GRAP2: variants seen among roughly 807,000 people sequenced by gnomAD.
GRAP2 encodes the protein GRB2-related adapter protein 2.
Under a neutral mutation model 43.5 loss-of-function variants are expected in GRAP2, and 31 were observed. The ratio of observed to expected loss-of-function variants is 0.71; its 90% CI spans 0.54 to 0.96. The LOEUF is 0.96. Ranked by LOEUF, GRAP2 falls within the 40% of genes least tolerant of loss-of-function variation. The pLI is 0.00. For missense variants in GRAP2, 371 were observed against 424.4 expected (o/e 0.87, Z 1.11); for synonymous variants, 156 against 164.8 (o/e 0.95, Z 0.41).
chr22:39,902,642 C>T (rs1031597664), intron 1 of GRAP2, among the ~76,000 whole-genome samples: 2 of 152,030 alleles, frequency 1.3e-5, no homozygotes, highest in Admixed American at 6.6e-5. Flanking sequence ...TAGATTTTAT[C>T]TTTTTAAAAA....
intron 1 of GRAP2, among the ~76,000 whole-genome samples, chr22:39,922,809 G>A (rs1179753449): frequency 6.6e-6 from 1 of 152,174 alleles, no homozygotes; most frequent in Admixed American, 6.5e-5. Context: ...TTGGGACGCC[G>A]AGGCAGGTGG....
the GRAP2 span, among the ~76,000 whole-genome samples, chr22:39,894,235 C>CT: frequency 2.5e-3 from 375 of 150,944 alleles, 2 homozygotes; most frequent in Middle Eastern, 0.014. Context: ...CATAATATCT[C>CT]TTTTTTTTTA....
intron 1 of GRAP2, among the ~76,000 whole-genome samples, chr22:39,944,956 G>T (rs753296458): frequency 6.6e-6 from 1 of 152,134 alleles, no homozygotes; most frequent in African/African-American, 2.4e-5. Flanking sequence ...CCCACGAGGC[G>T]ACCACTGTCT....
At chr22:39,938,334 A>G (rs563915139) in intron 1 of GRAP2, among the ~76,000 whole-genome samples, 1 of 152,364 alleles carries the variant, frequency 6.6e-6, no homozygotes, top group South Asian at 2.1e-4. Flanking sequence ...GATATAAGGG[A>G]TTTAAAAGGA....
At chr22:39,924,937 C>G (rs1453075017) in intron 1 of GRAP2, among the ~76,000 whole-genome samples, 3 of 152,160 alleles carry the variant, frequency 2.0e-5, no homozygotes, top group Non-Finnish European at 4.4e-5. Context: ...AGTAACAAGA[C>G]AGTAATCCTA....
At chr22:39,927,104 G>A (rs2145598282) in intron 1 of GRAP2, among the ~76,000 whole-genome samples, 1 of 152,000 alleles carries the variant, frequency 6.6e-6, no homozygotes, top group South Asian at 2.1e-4. Context: ...TTTTTTTCAT[G>A]CTCACTTCTG....
chr22:39,920,977 C>G (rs924743435), intron 1 of GRAP2, among the ~76,000 whole-genome samples: 1 of 150,784 alleles, frequency 6.6e-6, no homozygotes. Flanking sequence ...CACACACACA[C>G]ACACACACAC....
chr22:39,896,361 A>G, upstream of GRAP2, among the ~76,000 whole-genome samples: 1 of 152,160 alleles, frequency 6.6e-6, no homozygotes, highest in East Asian at 1.9e-4. Flanking sequence ...TGTGGCAATG[A>G]GAGAGAAGGA....
At chr22:39,920,777 C>T (rs147552696) in intron 1 of GRAP2, among the ~76,000 whole-genome samples, 1 of 152,094 alleles carries the variant, frequency 6.6e-6, no homozygotes, top group Non-Finnish European at 1.5e-5. Context: ...CGATTCATGT[C>T]AGGTCTTATA....
chr22:39,907,185 C>T (rs1434267453), intron 1 of GRAP2, among the ~76,000 whole-genome samples: 1 of 152,062 alleles, frequency 6.6e-6, no homozygotes, highest in African/African-American at 2.4e-5. Flanking sequence ...ACGCTGATAT[C>T]CATAGCACAT....
intron 6 of GRAP2, chr22:39,968,591 C>T: frequency 2.5e-6 from 1 of 401,606 alleles, no homozygotes; most frequent in Non-Finnish European, 4.4e-6. Flanking sequence ...TCTATTCATG[C>T]CCCTTAGCCC....
chr22:39,957,429 C>A (rs1022852995), intron 3 of GRAP2, among the ~76,000 whole-genome samples: 1 of 152,204 alleles, frequency 6.6e-6, no homozygotes, highest in Non-Finnish European at 1.5e-5. Flanking sequence ...CCCCCTCCCC[C>A]ACCGCATCCA....
chr22:39,948,146 G>A (rs955141001), intron 2 of GRAP2: 5 of 152,148 alleles, frequency 3.3e-5, no homozygotes, highest in Non-Finnish European at 1.5e-5. Context: ...GGGTGACATT[G>A]AAAGTGTCTG....
chr22:39,969,714 G>A (rs2067218562), intron 7 of GRAP2, among the ~76,000 whole-genome samples, 181 bp downstream of exon 7: 1 of 152,170 alleles, frequency 6.6e-6, no homozygotes, highest in Admixed American at 6.5e-5. Flanking sequence ...AGGAGTTCGA[G>A]ACCAGCCTGG....
intron 5 of GRAP2, among the ~76,000 whole-genome samples, chr22:39,966,576 G>T (rs1366795465): frequency 1.3e-5 from 2 of 152,172 alleles, no homozygotes; most frequent in Non-Finnish European, 2.9e-5. Flanking sequence ...GGAGTTGGGG[G>T]TGCTACAGAC....
chr22:39,906,705 C>A (rs1269548030), intron 1 of GRAP2, among the ~76,000 whole-genome samples: 1 of 152,160 alleles, frequency 6.6e-6, no homozygotes, highest in Non-Finnish European at 1.5e-5. Flanking sequence ...TCCACACCCC[C>A]CAGCCTTCTA....
intron 3 of GRAP2, among the ~76,000 whole-genome samples, chr22:39,956,403 C>T (rs535633664): frequency 2.2e-4 from 33 of 152,180 alleles, no homozygotes; most frequent in African/African-American, 6.3e-4. Context: ...AGTGATCTGC[C>T]GCCTCAGCCT....
At chr22:39,947,035 G>A (rs771297428) in intron 1 of GRAP2, 58 bp from the exon 2 acceptor site, 15 of 963,132 alleles carry the variant, frequency 1.6e-5, no homozygotes, top group Middle Eastern at 2.1e-4. Flanking sequence ...AAGCACCATC[G>A]GCTCTGCTGC....
chr22:39,956,122 A>G (rs1162384252), intron 3 of GRAP2, among the ~76,000 whole-genome samples: 3 of 150,158 alleles, frequency 2.0e-5, no homozygotes, highest in African/African-American at 4.9e-5. Flanking sequence ...TGTTTACACC[A>G]TGTGCATGTA....
Sources: allele counts gnomAD v4.1 joint callset (sites outside exome capture counted in the v4.1 genomes callset), GRCh38; gene constraint gnomAD v4.1.1; transcripts MANE v1.5; gene names NCBI Gene and HGNC (gene_info 2026-07-23, HGNC 2026-07-21).